The following FHL2 variants were observed in gnomAD, a reference collection of about 807,000 sequenced individuals.
FHL2 encodes the protein four and a half LIM domains 2.
Under a neutral mutation model 32.7 loss-of-function variants are expected in FHL2, and 20 were observed. The observed-to-expected ratio is 0.61, with a 90% CI of 0.43 to 0.89. The LOEUF is 0.89. Among genes scored for constraint, FHL2 ranks in the 40% least tolerant of loss-of-function variants. The pLI, the probability that FHL2 is intolerant of heterozygous loss-of-function variation, is 0.00. For synonymous variants in FHL2, 123 were observed against 128.1 expected (o/e 0.96, Z 0.27); for missense variants, 311 against 358.6 (o/e 0.87, Z 1.07).
chr2:105,408,794 A>T (rs1171490692), intron 1 of FHL2, among the ~76,000 whole-genome samples: 1 of 152,154 alleles, frequency 6.6e-6, no homozygotes, highest in Non-Finnish European at 1.5e-5. Flanking sequence ...TGATAGGGTG[A>T]CATTTTTGGT....
At position 105,394,137 on chromosome 2, in the gene FHL2, G is replaced by A. The variant is rs192693666; in HGVS notation, c.-25+2510C>T. ...ACCCCGCACCATTTTATTTTCCTAC[G>A]GATGGGAGTATCTACACACAAAAAC... On this transcript the variant is annotated intron_variant, in intron 2 of 6. Coordinates refer to ENST00000530340, the MANE Select transcript of FHL2 (RefSeq NM_001318895.3). Among the ~76,000 whole-genome samples, 9 of 152,136 alleles carry A rather than the reference G, an allele frequency of 5.9e-5. No homozygotes were observed. The East Asian group carries it at 1.5e-3, about 26-fold the overall frequency.
At chr2:105,380,564 G>A (rs1008489815) in intron 3 of FHL2, among the ~76,000 whole-genome samples, 13 of 152,100 alleles carry the variant, frequency 8.5e-5, no homozygotes, top group South Asian at 2.1e-4. Flanking sequence ...GCTCCAAACC[G>A]ATTTTTAGTT....
upstream of FHL2, among the ~76,000 whole-genome samples, chr2:105,400,486 A>T (rs1482622752): frequency 1.3e-5 from 2 of 152,148 alleles, no homozygotes; most frequent in African/African-American, 4.8e-5. Flanking sequence ...TTTGAAATTC[A>T]GAGCAAAGTT....
rs568118110 is a variant in FHL2, at chr2:105,383,123, T to A, written c.156+3238A>T. Among the ~76,000 whole-genome samples, 3 of 152,356 alleles carry A rather than the reference T, an allele frequency of 2.0e-5. No homozygotes were observed. The East Asian group carries it at 5.8e-4, about 29-fold the overall frequency. On this transcript the variant is annotated intron_variant, in intron 3 of 6. Coordinates refer to ENST00000530340, the MANE Select transcript of FHL2 (RefSeq NM_001318895.3). ...CTGGTCTCCAGCTCCTGGCCTCAAG[T>A]GTTCCACCTGCCTCGGCCTCCCAAA...
intron 3 of FHL2, chr2:105,375,401 A>T (rs1681399844): frequency 6.6e-6 from 1 of 152,236 alleles, no homozygotes; most frequent in Non-Finnish European, 1.5e-5. Context: ...TTGCTGACGC[A>T]AGACGATAAA....
In FHL2 at chr2:105,397,638, G is replaced by A. The variant is rs567575272; in HGVS notation, c.-75-941C>T. ...AGTAAGCCCATCATTAGCCTTCATC[G>A]ACATGTTATGGTGTAAACGCATTTT... is the stretch of plus-strand genomic sequence containing the variant. On this transcript the variant is annotated intron_variant, in intron 1 of 6. Transcript: ENST00000530340. Among the ~76,000 whole-genome samples, 7 of 152,256 alleles carry A rather than the reference G, an allele frequency of 4.6e-5. No homozygotes were observed. In the East Asian group the frequency reaches 1.3e-3, roughly 29 times the overall value.
intron 2 of FHL2, among the ~76,000 whole-genome samples, chr2:105,395,245 C>A (rs567495698): frequency 3.6e-4 from 55 of 152,350 alleles, no homozygotes; most frequent in African/African-American, 1.3e-3. Context: ...GCTGCACACG[C>A]TAGAATGGCG....
At chr2:105,436,959 G>T (rs1481129479) in intron 1 of FHL2, among the ~76,000 whole-genome samples, 1 of 152,148 alleles carries the variant, frequency 6.6e-6, no homozygotes, top group Non-Finnish European at 1.5e-5. Flanking sequence ...GAGATCGGTA[G>T]AAAGAGTGCA....
chr2:105,374,913 A>T (rs1016542033), intron 3 of FHL2, among the ~76,000 whole-genome samples: 1 of 152,164 alleles, frequency 6.6e-6, no homozygotes, highest in African/African-American at 2.4e-5. Flanking sequence ...GCAGGCTTCC[A>T]GTTGGTAGGT....
rs181199093 is a variant in FHL2, at chr2:105,432,680, G to A, written c.-25+5719C>T. On this transcript the variant is annotated intron_variant, in intron 1 of 5. Transcript: ENST00000393352. The stretch of plus-strand genomic sequence containing the variant: ...TATACAGAGGCACACACAGACACAC[G>A]CAGAGACATGTGTACACAGAGACAT... 7.6e-4 allele frequency among the ~76,000 whole-genome samples: 114 copies of A among 150,320 alleles called. 2 individuals are homozygous for A. The Middle Eastern group carries it at 0.01, about 13-fold the overall frequency.
chr2:105,425,121 CA>C (rs751667884), intron 1 of FHL2, among the ~76,000 whole-genome samples: 32 of 152,134 alleles, frequency 2.1e-4, no homozygotes, highest in Admixed American at 1.1e-3. Flanking sequence ...GTACTTTAAA[CA>C]ATTGCTTTGC....
At chr2:105,399,370 T>C, upstream of FHL2, 1 of 1,535,986 alleles carries the variant, frequency 6.5e-7, no homozygotes, top group Non-Finnish European at 8.7e-7. Context: ...CGCCGGGATC[T>C]CTGCCTGGTC....
chr2:105,378,454 T>A (rs1049886438), intron 3 of FHL2: 2 of 282,996 alleles, frequency 7.1e-6, no homozygotes, highest in African/African-American at 4.4e-5. Context: ...TCGCCTTGGC[T>A]CCTGCCAGAT....
rs756076159 is a variant in FHL2, at chr2:105,363,377, C to G, written c.596G>C (p.Arg199Pro). ...GGCAAAGTCATCGCGAGCTGTGAAG[C>G]GCTGCCCAGACAGCTGCTTCCTGCA... is the stretch of plus-strand genomic sequence containing the variant. ...TACRKQLSGQ[R>P]FTARDDFAYC... The change falls in exon 6 of 7, where the codon CGC becomes CCC. Residue 199 changes from arginine to proline, a missense_variant. Coordinates refer to ENST00000530340, the MANE Select transcript of FHL2 (RefSeq NM_001318895.3). 6.2e-7 allele frequency: 1 copy of G among 1,614,090 alleles called. No homozygotes were observed. Among genetic ancestry groups the G allele is most frequent in the Non-Finnish European group, 8.5e-7 (1 of 1,180,022 alleles).
intron 2 of FHL2, among the ~76,000 whole-genome samples, chr2:105,388,180 A>G (rs1371094662): frequency 6.6e-6 from 1 of 152,158 alleles, no homozygotes; most frequent in Non-Finnish European, 1.5e-5. Context: ...TACCTGGGTG[A>G]TGAAATAATA....
chr2:105,407,804 C>T (rs899456092), intron 1 of FHL2, among the ~76,000 whole-genome samples: 4 of 152,118 alleles, frequency 2.6e-5, no homozygotes, highest in Non-Finnish European at 5.9e-5. Context: ...CCCCCGCTGC[C>T]ACCACCACCA....
rs11380471 is a variant in FHL2 at position 105,386,756 on chromosome 2, C to CTTT, written c.-24-219_-24-217dup. 6.2e-3 allele frequency among the ~76,000 whole-genome samples: 302 copies of CTTT among 48,846 alleles called. 1 individual carries two copies. The highest frequency in any genetic ancestry group is 7.4e-3 in the African/African-American group (79 of 10,740). The allele number at this position is 48,846 out of a possible 152,430, so 32.0% of individuals were successfully genotyped here. A position where few individuals can be genotyped will look rare whatever the true frequency, so the allele number is the denominator to read the frequency against. Reference sequence around the variant, plus strand: ...CGGTTTTGTGTTTGAATGCATTCCACTTTTTTTTTTTTTTTTTTTTTTTTT... The same window carrying CTTT: ...CGGTTTTGTGTTTGAATGCATTCCACTTTTTTTTTTTTTTTTTTTTTTTTTTTT... On this transcript the variant is annotated intron_variant, in intron 2 of 6. Transcript: ENST00000530340.
downstream of FHL2, chr2:105,359,380 C>G (rs1180802068): frequency 6.6e-6 from 1 of 152,168 alleles, no homozygotes; most frequent in East Asian, 1.9e-4. Context: ...CTCAAGTCAA[C>G]TATAAAACCA....
intron 4 of FHL2, among the ~76,000 whole-genome samples, chr2:105,369,358 A>G (rs1362886263): frequency 6.6e-6 from 1 of 152,194 alleles, no homozygotes; most frequent in Non-Finnish European, 1.5e-5. Flanking sequence ...AGCTGGCTAG[A>G]AAGTTGGTCA....
Sources: gnomAD v4.1 joint callset for allele counts (sites outside exome capture counted in the v4.1 genomes callset) on GRCh38, gnomAD v4.1.1 for gene constraint, MANE v1.5 for transcripts, NCBI Gene and HGNC (gene_info 2026-07-23, HGNC 2026-07-21) for gene names.